DLG2: variants seen among roughly 807,000 people sequenced by gnomAD.
The protein encoded by DLG2 is discs large MAGUK scaffold protein 2.
Under a neutral mutation model 132.5 loss-of-function variants are expected in DLG2, and 45 were observed. The ratio of observed to expected loss-of-function variants is 0.34; its 90% CI spans 0.27 to 0.44. The LOEUF (loss-of-function observed/expected upper bound fraction) is 0.44, where lower values mean the gene tolerates loss of function less well. DLG2 is among the 20% of genes least tolerant of loss of function. The pLI is 1.00. For missense variants in DLG2, 1,045 were observed against 1,196.9 expected (o/e 0.87, Z 1.87); for synonymous variants, 424 against 419.6 (o/e 1.01, Z -0.13).
intron 6 of DLG2, among the ~76,000 whole-genome samples, chr11:85,029,787 A>G (rs1224497739): frequency 1.3e-5 from 2 of 152,168 alleles, no homozygotes; most frequent in Non-Finnish European, 2.9e-5. Flanking sequence ...CTGAACTGAA[A>G]GTCTCCTTTA....
At chr11:84,210,262 G>C (rs1486049936) in intron 8 of DLG2, among the ~76,000 whole-genome samples, 1 of 151,654 alleles carries the variant, frequency 6.6e-6, no homozygotes, top group African/African-American at 2.4e-5. Context: ...TAGCCTGGGT[G>C]ACAGAGTGAT....
chr11:85,506,035 A>G (rs1285708544), intron 3 of DLG2, among the ~76,000 whole-genome samples: 1 of 152,138 alleles, frequency 6.6e-6, no homozygotes, highest in Non-Finnish European at 1.5e-5. Flanking sequence ...CTCTGATGGT[A>G]GTTTGTATTT....
intron 7 of DLG2, among the ~76,000 whole-genome samples, chr11:84,330,508 C>A (rs986800654): frequency 1.3e-4 from 20 of 152,168 alleles, no homozygotes; most frequent in Non-Finnish European, 2.6e-4. Flanking sequence ...GCAGGAGTGA[C>A]ACCAGGAATA....
chr11:83,920,186 G>C (rs2077605216), intron 15 of DLG2, among the ~76,000 whole-genome samples: 1 of 152,036 alleles, frequency 6.6e-6, no homozygotes, highest in Non-Finnish European at 1.5e-5. Context: ...ACCCTCTAAG[G>C]TATTCATTTC....
chr11:84,902,900 TCA>T (rs1164236691), intron 6 of DLG2, among the ~76,000 whole-genome samples: 1 of 152,194 alleles, frequency 6.6e-6, no homozygotes, highest in African/African-American at 2.4e-5. Context: ...ACATAATAGC[TCA>T]CAGTTATTGT....
chr11:85,028,704 G>T (rs187727151), intron 6 of DLG2, among the ~76,000 whole-genome samples: 277 of 152,334 alleles, frequency 1.8e-3, no homozygotes, highest in African/African-American at 6.3e-3. Context: ...AGGCCAGACA[G>T]TGGGGGCAGG....
chr11:84,312,023 G>C (rs1330249763), intron 7 of DLG2, among the ~76,000 whole-genome samples: 1 of 152,122 alleles, frequency 6.6e-6, no homozygotes. Flanking sequence ...AATGTATTAA[G>C]AAATAGATTA....
chr11:83,503,554 C>T (rs1565513576), intron 21 of DLG2, among the ~76,000 whole-genome samples: 1 of 151,270 alleles, frequency 6.6e-6, no homozygotes, highest in African/African-American at 2.4e-5. Context: ...GTCCAAGTCC[C>T]AAAACTGAAG....
intron 3 of DLG2, among the ~76,000 whole-genome samples, chr11:85,559,818 TGATAGATAGATAGATAGATA>T (rs59676725): frequency 1.4e-5 from 2 of 144,444 alleles, no homozygotes; most frequent in South Asian, 4.3e-4. Flanking sequence ...GTTAGATGAT[TGATAGATAGATAGATAGATA>T]GATAGATAGA....
intron 6 of DLG2, among the ~76,000 whole-genome samples, chr11:84,896,642 A>C (rs1219222067): frequency 1.3e-5 from 2 of 152,072 alleles, no homozygotes; most frequent in African/African-American, 2.4e-5. Flanking sequence ...AGTAGTTGCC[A>C]CTTATCCACA....
intron 14 of DLG2, among the ~76,000 whole-genome samples, chr11:83,941,390 T>A (rs1214896088): frequency 1.3e-5 from 2 of 150,620 alleles, no homozygotes; most frequent in Admixed American, 1.3e-4. Flanking sequence ...AATTTATTTA[T>A]TTAATTAATT....
chr11:85,586,843 C>T (rs1462526697), intron 3 of DLG2, among the ~76,000 whole-genome samples: 1 of 152,148 alleles, frequency 6.6e-6, no homozygotes, highest in East Asian at 1.9e-4. Flanking sequence ...ATGCTATGAA[C>T]TTTCCTCATA....
chr11:83,972,733 T>C (rs2514149), intron 12 of DLG2, among the ~76,000 whole-genome samples: 22,594 of 152,108 alleles, frequency 0.15, 2,006 homozygotes, highest in East Asian at 0.31. Flanking sequence ...TGCATTCTAT[T>C]TTACATTTGT....
intron 18 of DLG2, among the ~76,000 whole-genome samples, chr11:83,647,293 C>G (rs1442652371): frequency 6.6e-6 from 1 of 151,988 alleles, no homozygotes; most frequent in Non-Finnish European, 1.5e-5. Context: ...GGGTATGTCT[C>G]ACAATTCACT....
chr11:83,840,899 T>A (rs569677518), intron 16 of DLG2, among the ~76,000 whole-genome samples: 17 of 152,338 alleles, frequency 1.1e-4, no homozygotes, highest in Admixed American at 5.2e-4. Context: ...TCTTCACTTT[T>A]CAGTTTCTCC....
At chr11:83,589,557 C>T (rs1471863615) in intron 19 of DLG2, among the ~76,000 whole-genome samples, 7 of 150,856 alleles carry the variant, frequency 4.6e-5, no homozygotes, top group South Asian at 2.1e-4. Context: ...TAAAGACCAT[C>T]GAGACTAGGA....
At chr11:85,132,139 T>A (rs936810906) in intron 5 of DLG2, among the ~76,000 whole-genome samples, 2 of 152,208 alleles carry the variant, frequency 1.3e-5, no homozygotes, top group African/African-American at 2.4e-5. Context: ...CGATTGCCTA[T>A]TGATTTTATT....
intron 3 of DLG2, among the ~76,000 whole-genome samples, chr11:85,573,667 AT>A (rs1299343934): frequency 2.0e-5 from 3 of 152,114 alleles, no homozygotes; most frequent in African/African-American, 7.2e-5. Context: ...ACTAACTTAT[AT>A]CCCCCCAATA....
At chr11:85,503,953 G>T (rs1339843374) in intron 3 of DLG2, among the ~76,000 whole-genome samples, 1 of 151,102 alleles carries the variant, frequency 6.6e-6, no homozygotes, top group Admixed American at 6.6e-5. Flanking sequence ...GGAGGAGGAG[G>T]AGGGACAGTG....
Sources: allele counts gnomAD v4.1 joint callset (sites outside exome capture counted in the v4.1 genomes callset), GRCh38; gene constraint gnomAD v4.1.1; transcripts MANE v1.5; gene names NCBI Gene and HGNC (gene_info 2026-07-23, HGNC 2026-07-21).